FOXP1: variants seen among roughly 807,000 people sequenced by gnomAD.
FOXP1 encodes the protein forkhead box protein P1.
Under a neutral mutation model 98.2 loss-of-function variants are expected in FOXP1, and 15 were observed. That is an observed-to-expected ratio of 0.15 (90% confidence interval 0.10 to 0.24). FOXP1 has a LOEUF of 0.24. Among genes scored for constraint, FOXP1 ranks in the 10% least tolerant of loss-of-function variants. The pLI is 1.00. For synonymous variants in FOXP1, 371 were observed against 314.5 expected (o/e 1.18, Z -1.90); for missense variants, 633 against 848.5 (o/e 0.75, Z 3.15).
chr3:71,032,682 G>T (rs190567782), intron 11 of FOXP1, among the ~76,000 whole-genome samples: 1 of 152,286 alleles, frequency 6.6e-6, no homozygotes, highest in East Asian at 1.9e-4. Flanking sequence ...GGTAACACTG[G>T]TGCGAACACA....
chr3:71,482,536 G>A (rs2090355398), intron 3 of FOXP1, among the ~76,000 whole-genome samples: 1 of 151,840 alleles, frequency 6.6e-6, no homozygotes. Flanking sequence ...AAGTAACTGG[G>A]ATTACAGCTG....
intron 5 of FOXP1, among the ~76,000 whole-genome samples, chr3:71,231,716 A>G (rs1205864598): frequency 6.6e-6 from 1 of 152,272 alleles, no homozygotes; most frequent in Non-Finnish European, 1.5e-5. Flanking sequence ...AGATGAGTGA[A>G]TAGAAAAAGC....
intron 5 of FOXP1, among the ~76,000 whole-genome samples, chr3:71,276,755 G>T (rs1448567567): frequency 6.6e-6 from 1 of 152,042 alleles, no homozygotes; most frequent in Non-Finnish European, 1.5e-5. Context: ...GGGGTGTTAG[G>T]AATGTTCAGT....
chr3:71,233,605 T>C (rs1366950488), intron 5 of FOXP1, among the ~76,000 whole-genome samples: 2 of 150,324 alleles, frequency 1.3e-5, no homozygotes. Context: ...TTTTTTTTTT[T>C]TTTTTTTGGT....
At chr3:71,402,966 A>G (rs2082044110) in intron 3 of FOXP1, among the ~76,000 whole-genome samples, 1 of 152,238 alleles carries the variant, frequency 6.6e-6, no homozygotes, top group African/African-American at 2.4e-5. Context: ...AATTCTGAAG[A>G]TGGTTTGAAA....
At chr3:71,239,835 T>G (rs114316906) in intron 5 of FOXP1, among the ~76,000 whole-genome samples, 1 of 152,242 alleles carries the variant, frequency 6.6e-6, no homozygotes, top group African/African-American at 2.4e-5. Flanking sequence ...ATTTCCAAAG[T>G]TGGACGAAAT....
At chr3:71,571,840 T>G (rs1237685067) in intron 2 of FOXP1, 1 of 152,260 alleles carries the variant, frequency 6.6e-6, no homozygotes, top group Non-Finnish European at 1.5e-5. Flanking sequence ...CATCATCGAT[T>G]CTTTTGGTCA....
intron 5 of FOXP1, among the ~76,000 whole-genome samples, chr3:71,262,264 C>CAAAAAAAAAAAAAAAAAAAAA (rs71104433): frequency 1.2e-4 from 3 of 25,714 alleles, no homozygotes; most frequent in African/African-American, 4.0e-4. Context: ...GACTCTGTCA[C>CAAAAAAAAAAAAAAAAAAAAA]AAAAAAAAAA....
chr3:71,370,618 G>A (rs956545310), intron 3 of FOXP1, among the ~76,000 whole-genome samples: 1 of 152,130 alleles, frequency 6.6e-6, no homozygotes, highest in African/African-American at 2.4e-5. Flanking sequence ...TATTGTGTCT[G>A]TCTTATCTTC....
chr3:71,455,201 G>A (rs532514955), intron 3 of FOXP1, among the ~76,000 whole-genome samples: 28 of 152,076 alleles, frequency 1.8e-4, no homozygotes, highest in African/African-American at 6.0e-4. Flanking sequence ...AATGACAGGC[G>A]GACGTGGAAA....
At chr3:71,152,454 A>G (rs2060617056) in intron 6 of FOXP1, among the ~76,000 whole-genome samples, 1 of 152,188 alleles carries the variant, frequency 6.6e-6, no homozygotes. Flanking sequence ...TTACGCAGCA[A>G]TGGAAAATGA....
chr3:70,971,973 A>G, intron 18 of FOXP1: 3 of 1,360,314 alleles, frequency 2.2e-6, no homozygotes, highest in Non-Finnish European at 2.8e-6. Context: ...CCAAAGCAAC[A>G]GCAGAAAAAA....
chr3:71,513,227 C>T (rs1299588569), intron 2 of FOXP1, among the ~76,000 whole-genome samples: 1 of 152,176 alleles, frequency 6.6e-6, no homozygotes, highest in Admixed American at 6.5e-5. Context: ...GATTTTCAAT[C>T]TCAAGCAGGC....
chr3:71,078,060 G>A, intron 7 of FOXP1, among the ~76,000 whole-genome samples: 1 of 152,280 alleles, frequency 6.6e-6, no homozygotes, highest in East Asian at 1.9e-4. Context: ...TCGAACTCCT[G>A]ACCTCAGGTG....
At chr3:70,975,088 A>G (rs2037214555) in intron 17 of FOXP1, among the ~76,000 whole-genome samples, 1 of 152,230 alleles carries the variant, frequency 6.6e-6, no homozygotes, top group Admixed American at 6.5e-5. Flanking sequence ...ATGAGTCACT[A>G]TTTCATCTAA....
chr3:71,314,593 A>G (rs1238522981), intron 4 of FOXP1, among the ~76,000 whole-genome samples: 8 of 151,470 alleles, frequency 5.3e-5, no homozygotes, highest in Non-Finnish European at 1.2e-4. Flanking sequence ...AATAAAAGAG[A>G]ATGTATATCA....
At chr3:71,262,772 A>C (rs2069283264) in intron 5 of FOXP1, among the ~76,000 whole-genome samples, 1 of 152,184 alleles carries the variant, frequency 6.6e-6, no homozygotes, top group Non-Finnish European at 1.5e-5. Context: ...TGCTTTTTAA[A>C]AATGACACTT....
intron 3 of FOXP1, among the ~76,000 whole-genome samples, chr3:71,454,948 G>A (rs974739587): frequency 6.6e-6 from 1 of 152,072 alleles, no homozygotes; most frequent in Non-Finnish European, 1.5e-5. Context: ...GCTGCTTCTG[G>A]AGCTGGTTTC....
chr3:71,029,077 G>A (rs2046511916), intron 11 of FOXP1, among the ~76,000 whole-genome samples: 1 of 152,218 alleles, frequency 6.6e-6, no homozygotes, highest in Admixed American at 6.5e-5. Flanking sequence ...ACCAGTACCA[G>A]TCTGTGAACT....
Sources: gnomAD v4.1 joint callset for allele counts (sites outside exome capture counted in the v4.1 genomes callset) on GRCh38, gnomAD v4.1.1 for gene constraint, MANE v1.5 for transcripts, NCBI Gene and HGNC (gene_info 2026-07-23, HGNC 2026-07-21) for gene names.